GRM5: variants seen among roughly 807,000 people sequenced by gnomAD.
GRM5 encodes the protein metabotropic glutamate receptor 5.
GRM5 carries 19 observed loss-of-function variants against 83.1 expected under a neutral mutation model. The ratio of observed to expected loss-of-function variants is 0.23; its 90% CI spans 0.16 to 0.34. The LOEUF is 0.34. Ranked by LOEUF, GRM5 falls within the 10% of genes least tolerant of loss-of-function variation. The pLI is 1.00. For synonymous variants in GRM5, 675 were observed against 633.6 expected (o/e 1.07, Z -0.98); for missense variants, 1,160 against 1,588.3 (o/e 0.73, Z 4.58).
intron 3 of GRM5, among the ~76,000 whole-genome samples, chr11:88,725,254 AAAC>A (rs1941648702): frequency 6.6e-6 from 1 of 152,148 alleles, no homozygotes; most frequent in African/African-American, 2.4e-5. Context: ...CTCACAGTGT[AAAC>A]AAAGCCACCA....
At chr11:88,732,142 A>G (rs575455909) in intron 3 of GRM5, among the ~76,000 whole-genome samples, 5 of 152,164 alleles carry the variant, frequency 3.3e-5, no homozygotes, top group African/African-American at 1.2e-4. Context: ...TGTCTCTATC[A>G]TAGCACTTAG....
At chr11:88,826,460 T>G (rs1444127728) in intron 3 of GRM5, among the ~76,000 whole-genome samples, 1 of 151,244 alleles carries the variant, frequency 6.6e-6, no homozygotes, top group East Asian at 1.9e-4. Context: ...ATATAATTAT[T>G]TTATTTATTT....
chr11:88,880,883 C>T (rs1944940204), intron 2 of GRM5, among the ~76,000 whole-genome samples: 1 of 152,120 alleles, frequency 6.6e-6, no homozygotes, highest in Non-Finnish European at 1.5e-5. Flanking sequence ...TACTTTAACA[C>T]TCAGTGTACT....
chr11:88,914,636 T>C lies in GRM5; in HGVS notation c.662-64481A>G, dbSNP rs1945559630. On this transcript the variant is annotated intron_variant, in intron 2 of 9. Transcript: ENST00000305447. ...CAGCACACATCCTTGCTGCCCTGTT[T>C]CTCTGTTCCATTGAATCCCAAGGTA... Among the ~76,000 whole-genome samples the C allele has an allele frequency of 1.3e-5, 2 of 152,164 alleles. 1 individual carries two copies. The highest frequency in any genetic ancestry group is 4.1e-4 in the South Asian group (2 of 4,832).
At chr11:88,845,062 C>A (rs1603897) in intron 3 of GRM5, among the ~76,000 whole-genome samples, 1 of 152,048 alleles carries the variant, frequency 6.6e-6, no homozygotes, top group African/African-American at 2.4e-5. Context: ...AGGACTGACT[C>A]CAATTTTAAG....
intron 3 of GRM5, among the ~76,000 whole-genome samples, chr11:88,804,012 C>CAATCATTAAA (rs1398542301): frequency 2.6e-5 from 4 of 150,966 alleles, no homozygotes; most frequent in Non-Finnish European, 4.5e-5. Context: ...GTTAGAATGG[C>CAATCATTAAA]AATCATTAAA....
At chr11:88,657,701 T>C (rs1939798397) in intron 3 of GRM5, among the ~76,000 whole-genome samples, 1 of 152,164 alleles carries the variant, frequency 6.6e-6, no homozygotes, top group African/African-American at 2.4e-5. Context: ...CAACAGACAG[T>C]TCTTGTTTAA....
chr11:88,858,545 G>T (rs1304564712), intron 2 of GRM5, among the ~76,000 whole-genome samples: 1 of 151,878 alleles, frequency 6.6e-6, no homozygotes, highest in Non-Finnish European at 1.5e-5. Flanking sequence ...TTTAGATATG[G>T]TAGAAAACAG....
Position 88,979,003 on chromosome 11 carries a change from G to A in GRM5, c.661+68209C>T, listed in dbSNP as rs539329388. Reference sequence around the variant, plus strand: ...CAAAATCCTTCATACACCTCCTACCGTCTTTAAAACAGACCTAGTTTTAAG... The same window carrying A: ...CAAAATCCTTCATACACCTCCTACCATCTTTAAAACAGACCTAGTTTTAAG... On this transcript the variant is annotated intron_variant, in intron 2 of 9. Coordinates refer to ENST00000305447, the MANE Select transcript of GRM5 (RefSeq NM_001143831.3). Among the ~76,000 whole-genome samples, 6 of 152,162 alleles carry A rather than the reference G, an allele frequency of 3.9e-5. No homozygotes were observed. The South Asian group carries it at 8.3e-4, about 21-fold the overall frequency.
intron 3 of GRM5, among the ~76,000 whole-genome samples, chr11:88,812,426 G>T (rs1018323151): frequency 1.3e-5 from 2 of 152,128 alleles, no homozygotes; most frequent in Non-Finnish European, 2.9e-5. Flanking sequence ...TAGAGATAAA[G>T]CAATTAAGAC....
intron 3 of GRM5, among the ~76,000 whole-genome samples, chr11:88,688,689 A>G (rs951562603): frequency 6.6e-6 from 1 of 152,150 alleles, no homozygotes; most frequent in African/African-American, 2.4e-5. Flanking sequence ...TTTATTCACT[A>G]TTGTCAAAGA....
chr11:88,867,929 T>G (rs1406779417), intron 2 of GRM5, among the ~76,000 whole-genome samples: 1 of 151,932 alleles, frequency 6.6e-6, no homozygotes, highest in Non-Finnish European at 1.5e-5. Context: ...ACCAAAACTT[T>G]CAGTCACAAA....
At chr11:88,741,912 A>C (rs796818616) in intron 3 of GRM5, among the ~76,000 whole-genome samples, 4 of 151,844 alleles carry the variant, frequency 2.6e-5, no homozygotes, top group African/African-American at 9.6e-5. Context: ...AGGAACATAC[A>C]CCTGTTTAAT....
chr11:88,637,800 A>T (rs1446998094), intron 4 of GRM5, among the ~76,000 whole-genome samples: 1 of 148,594 alleles, frequency 6.7e-6, no homozygotes, highest in Non-Finnish European at 1.5e-5. Flanking sequence ...CCATCCCATT[A>T]CTGGGTATAT....
chr11:88,897,877 G>A (rs1313362536), intron 2 of GRM5, among the ~76,000 whole-genome samples: 1 of 151,922 alleles, frequency 6.6e-6, no homozygotes, highest in Non-Finnish European at 1.5e-5. Context: ...GAGAAAACAT[G>A]TAAGCTTTGG....
chr11:88,888,360 TG>T, intron 2 of GRM5, among the ~76,000 whole-genome samples: 1 of 152,060 alleles, frequency 6.6e-6, no homozygotes, highest in Non-Finnish European at 1.5e-5. Context: ...GTAGGCCAAA[TG>T]GGAAAAGAGA....
chr11:88,685,400 G>C (rs1458416797), intron 3 of GRM5, among the ~76,000 whole-genome samples: 1 of 152,190 alleles, frequency 6.6e-6, no homozygotes, highest in East Asian at 1.9e-4. Flanking sequence ...AGTTTTATAA[G>C]GGAAGCAGAG....
At chr11:89,055,646 CTT>C in intron 1 of GRM5, among the ~76,000 whole-genome samples, 1 of 151,794 alleles carries the variant, frequency 6.6e-6, no homozygotes, top group South Asian at 2.1e-4. Flanking sequence ...GGTATCAGCT[CTT>C]ATATAATTTT....
At position 89,064,246 on chromosome 11, in the gene GRM5, T is replaced by C. The variant is rs1942054554; in HGVS notation, c.-201+1530A>G. ...TCTTCCTCAATGCTAACCTTAAAAA[T>C]AGCATATGACTTGTTCACAACGTGC... On this transcript the variant is annotated intron_variant, in intron 1 of 9. Coordinates refer to ENST00000305447, the MANE Select transcript of GRM5 (RefSeq NM_001143831.3). Among the ~76,000 whole-genome samples, 4 of 152,288 alleles carry C rather than the reference T, an allele frequency of 2.6e-5. No homozygotes were observed. In the South Asian group the frequency reaches 8.3e-4, roughly 32 times the overall value.
Sources: allele counts gnomAD v4.1 joint callset (sites outside exome capture counted in the v4.1 genomes callset), GRCh38; gene constraint gnomAD v4.1.1; transcripts MANE v1.5; gene names NCBI Gene and HGNC (gene_info 2026-07-23, HGNC 2026-07-21).